Variants in SYCP1 observed in about 807,000 individuals in gnomAD.
SYCP1 encodes the protein synaptonemal complex protein 1.
Under a neutral mutation model 153.1 loss-of-function variants are expected in SYCP1, and 64 were observed. The ratio of observed to expected loss-of-function variants is 0.42; its 90% confidence interval spans 0.34 to 0.51. SYCP1 has a LOEUF of 0.51. Among genes scored for constraint, SYCP1 ranks in the 20% least tolerant of loss-of-function variants. SYCP1 has a pLI of 0.06. For missense variants in SYCP1, 997 were observed against 1,049.0 expected, an observed-to-expected ratio of 0.95 and a Z score of 0.68; for synonymous variants, 384 against 341.8, an observed-to-expected ratio of 1.12 and a Z score of -1.36.
intron 27 of SYCP1, among the ~76,000 whole-genome samples, chr1:114,962,562 T>C (rs1671847930): frequency 6.6e-6 from 1 of 152,314 alleles, no homozygotes. Flanking sequence ...GTATGTGTTA[T>C]GTTAGGTGAG....
At chr1:114,958,333 A>T (rs1273986994) in intron 27 of SYCP1, among the ~76,000 whole-genome samples, 2 of 152,150 alleles carry the variant, frequency 1.3e-5, no homozygotes, top group Non-Finnish European at 2.9e-5. Context: ...AATGGGTACA[A>T]ATATACAATT....
At chr1:114,912,945 T>C in intron 18 of SYCP1, 88 bp from the exon 19 acceptor site, 1 of 876,276 alleles carries the variant, frequency 1.1e-6, no homozygotes, top group South Asian at 1.7e-5. Context: ...CCTTCATCCC[T>C]TTCCCCTATC....
intron 27 of SYCP1, among the ~76,000 whole-genome samples, chr1:114,973,151 G>C (rs1672597021): frequency 6.6e-6 from 1 of 152,024 alleles, no homozygotes; most frequent in Non-Finnish European, 1.5e-5. Flanking sequence ...CTGCTTACAG[G>C]GTGATGAAAG....
intron 15 of SYCP1, among the ~76,000 whole-genome samples, chr1:114,894,511 T>C (rs1389964528): frequency 6.6e-6 from 1 of 152,140 alleles, no homozygotes; most frequent in Non-Finnish European, 1.5e-5. Context: ...GCGGGAGGCT[T>C]GGGCTGGAAA....
chr1:114,935,610 C>T (rs947802930), intron 23 of SYCP1, among the ~76,000 whole-genome samples: 11 of 152,060 alleles, frequency 7.2e-5, no homozygotes, highest in Non-Finnish European at 7.3e-5. Context: ...TCAATGAATC[C>T]AGGAGCTGGT....
chr1:114,982,095 G>T (rs891941697), intron 29 of SYCP1, among the ~76,000 whole-genome samples: 2 of 152,014 alleles, frequency 1.3e-5, no homozygotes, highest in Non-Finnish European at 1.5e-5. Context: ...TGGCAGTGCA[G>T]ATGCTTTACT....
intron 12 of SYCP1, among the ~76,000 whole-genome samples, chr1:114,879,109 T>C (rs1665741758): frequency 6.6e-6 from 1 of 152,182 alleles, no homozygotes; most frequent in Admixed American, 6.5e-5. Context: ...TGTAAAAGAT[T>C]TGGATCCCTT....
chr1:114,881,051 GTA>G (rs150631241), intron 12 of SYCP1, among the ~76,000 whole-genome samples: 421 of 38,880 alleles, frequency 0.011, 4 homozygotes, highest in South Asian at 0.044. Context: ...TCCAATTTGT[GTA>G]TATACACACA....
At position 114,855,461 on chromosome 1, in the gene SYCP1, G is replaced by A; in HGVS notation, c.-4G>A. ...AGTAGATATTTACAACCGTAACAGA[G>A]AAAATGGAAAAGCAAAAGCCCTTTG... is the stretch of plus-strand genomic sequence containing the variant. On this transcript the variant is annotated 5_prime_UTR_variant, in exon 2 of 32. Coordinates refer to ENST00000369522, the MANE Select transcript of SYCP1 (RefSeq NM_003176.4). 1 of 1,607,438 alleles carries A rather than the reference G, an allele frequency of 6.2e-7. No homozygotes were observed. Among genetic ancestry groups the A allele is most frequent in the Non-Finnish European group, 8.5e-7 (1 of 1,176,518 alleles).
At chr1:114,898,735 A>AT (rs1667225292) in intron 16 of SYCP1, among the ~76,000 whole-genome samples, 1 of 152,162 alleles carries the variant, frequency 6.6e-6, no homozygotes, top group East Asian at 1.9e-4. Flanking sequence ...ACTTGGCCTG[A>AT]TTTTTTGCAT....
At chr1:114,987,693 T>C (rs55712987) in intron 30 of SYCP1, among the ~76,000 whole-genome samples, 2,366 of 151,758 alleles carry the variant, frequency 0.016, 63 homozygotes, top group African/African-American at 0.055. Context: ...AAAAGACCAA[T>C]AGTAACAAAT....
At chr1:114,979,062 TATATATGTTGGAAAATGA>T in intron 28 of SYCP1, among the ~76,000 whole-genome samples, 1 of 151,618 alleles carries the variant, frequency 6.6e-6, no homozygotes, top group Non-Finnish European at 1.5e-5. Context: ...AGAGTCTAGA[TATATATGTTGGAAAATGA>T]ACCATATATA....
chr1:114,863,635 G>A (rs1016997299), intron 8 of SYCP1, among the ~76,000 whole-genome samples: 22 of 152,230 alleles, frequency 1.4e-4, no homozygotes, highest in South Asian at 6.2e-4. Flanking sequence ...TCTAACTGGC[G>A]TGAGATGGTA....
chr1:114,977,319 T>C (rs1325586764), intron 27 of SYCP1, among the ~76,000 whole-genome samples: 1 of 151,786 alleles, frequency 6.6e-6, no homozygotes, highest in East Asian at 1.9e-4. Context: ...AAGAGACTTA[T>C]TCAAAAGTCC....
At chr1:114,967,990 A>G (rs1030370708) in intron 27 of SYCP1, among the ~76,000 whole-genome samples, 1 of 152,202 alleles carries the variant, frequency 6.6e-6, no homozygotes, top group African/African-American at 2.4e-5. Context: ...TTCTTTAAGA[A>G]TGTTGAATAT....
At chr1:114,966,773 C>T (rs1331859089) in intron 27 of SYCP1, among the ~76,000 whole-genome samples, 2 of 151,770 alleles carry the variant, frequency 1.3e-5, no homozygotes, top group Non-Finnish European at 2.9e-5. Context: ...CAACCTCTGC[C>T]TCCTGGGTTC....
intron 27 of SYCP1, among the ~76,000 whole-genome samples, chr1:114,968,073 G>A (rs141714043): frequency 0.099 from 15,064 of 152,192 alleles, 931 homozygotes; most frequent in South Asian, 0.17. Context: ...GCTTCCCTTT[G>A]TGGGTAACCC....
At chr1:114,923,411 A>G in intron 20 of SYCP1, 38 bp from the exon 21 acceptor site, 2 of 1,519,478 alleles carry the variant, frequency 1.3e-6, no homozygotes, top group Admixed American at 2.1e-5. Context: ...TAGGCCTAAT[A>G]ATTTTTAGTA....
At chr1:114,893,981 C>T (rs1666899325) in intron 15 of SYCP1, among the ~76,000 whole-genome samples, 1 of 150,232 alleles carries the variant, frequency 6.7e-6, no homozygotes, top group African/African-American at 2.4e-5. Flanking sequence ...TTTTTTTCTC[C>T]AAGGATTCGT....
Sources: allele counts gnomAD v4.1 joint callset (sites outside exome capture counted in the v4.1 genomes callset), GRCh38; gene constraint gnomAD v4.1.1; transcripts MANE v1.5; gene names NCBI Gene and HGNC (gene_info 2026-07-23, HGNC 2026-07-21).